Variants in CDC27 observed in about 807,000 individuals in gnomAD.
CDC27 encodes cell division cycle protein 27 homolog.
CDC27 carries 27 observed loss-of-function variants against 109.7 expected under a neutral mutation model. The ratio of observed to expected loss-of-function variants is 0.25; its 90% CI spans 0.18 to 0.34. The LOEUF (loss-of-function observed/expected upper bound fraction) is 0.34. Ranked by LOEUF, CDC27 falls within the 10% of genes least tolerant of loss-of-function variation. The pLI, the probability that CDC27 is intolerant of heterozygous loss-of-function variation, is 1.00. For synonymous variants in CDC27, 266 were observed against 333.9 expected (o/e 0.80, Z 2.22); for missense variants, 579 against 960.2 (o/e 0.60, Z 5.25).
chr17:47,189,052 G>A, intron 1 of CDC27, 94 bp downstream of exon 1: 2 of 1,524,964 alleles, frequency 1.3e-6, no homozygotes, highest in Non-Finnish European at 9.0e-7. Flanking sequence ...AGAAGCAGCC[G>A]GGCCTAGGCC....
chr17:47,129,372 C>G (rs774750632), intron 16 of CDC27, 21 bp downstream of exon 16: 1 of 1,581,398 alleles, frequency 6.3e-7, no homozygotes, highest in African/African-American at 1.3e-5. Flanking sequence ...ACACTGAAGA[C>G]CCTTAAGATA....
chr17:47,163,651 G>A (rs1236454725), intron 4 of CDC27, among the ~76,000 whole-genome samples: 1 of 152,188 alleles, frequency 6.6e-6, no homozygotes, highest in Non-Finnish European at 1.5e-5. Flanking sequence ...CTGAGGAACT[G>A]ATTTAACTGC....
chr17:47,163,147 T>C (rs977143768), intron 4 of CDC27, among the ~76,000 whole-genome samples: 4 of 151,974 alleles, frequency 2.6e-5, no homozygotes, highest in African/African-American at 9.7e-5. Context: ...TGGGAAGAAA[T>C]AGGATAATTT....
chr17:47,142,828 G>A lies in CDC27; in HGVS notation c.1171-392C>T, dbSNP rs554235842. Reference sequence around the variant, plus strand: ...CGCGTAACTGAGATTACAGGCATGAGCCACCACGCCCGGTTAATTTTTATT... The same window carrying A: ...CGCGTAACTGAGATTACAGGCATGAACCACCACGCCCGGTTAATTTTTATT... On this transcript the variant is annotated intron_variant, in intron 10 of 18. Coordinates refer to ENST00000066544, the MANE Select transcript of CDC27 (RefSeq NM_001256.6). Among the ~76,000 whole-genome samples the A allele has an allele frequency of 2.0e-5, 3 of 152,280 alleles. No homozygotes were observed. In the East Asian group the frequency reaches 5.8e-4, roughly 29 times the overall value.
At chr17:47,147,898 CAAAAAAAAAAAA>C (rs893703763) in intron 9 of CDC27, among the ~76,000 whole-genome samples, 10 of 45,628 alleles carry the variant, frequency 2.2e-4, no homozygotes, top group Non-Finnish European at 4.1e-4. Context: ...GACCCTGTCT[CAAAAAAAAAAAA>C]AAAAAAAAGG....
intron 16 of CDC27, among the ~76,000 whole-genome samples, chr17:47,125,628 C>T (rs920852450): frequency 6.6e-5 from 10 of 151,612 alleles, no homozygotes; most frequent in African/African-American, 2.4e-4. Context: ...ACTGCAACTC[C>T]CACCTCCCAG....
intron 1 of CDC27, among the ~76,000 whole-genome samples, chr17:47,187,656 A>G (rs1425837734): frequency 6.6e-6 from 1 of 152,064 alleles, no homozygotes; most frequent in Non-Finnish European, 1.5e-5. Flanking sequence ...ATAGTCTATC[A>G]ATGCAACTAG....
intron 8 of CDC27, among the ~76,000 whole-genome samples, chr17:47,152,156 G>A (rs11570504): frequency 2.8e-4 from 42 of 151,778 alleles, no homozygotes; most frequent in African/African-American, 9.9e-4. Flanking sequence ...TTCATCTTTC[G>A]CTTTTTGTTT....
At chr17:47,153,619 G>C (rs897101719) in intron 8 of CDC27, among the ~76,000 whole-genome samples, 1 of 152,162 alleles carries the variant, frequency 6.6e-6, no homozygotes, top group African/African-American at 2.4e-5. Context: ...TCACATATTA[G>C]TATGACTTGT....
At chr17:47,153,806 A>C (rs1055698803) in intron 8 of CDC27, among the ~76,000 whole-genome samples, 8 of 152,170 alleles carry the variant, frequency 5.3e-5, no homozygotes, top group Non-Finnish European at 1.0e-4. Flanking sequence ...GAGCCTCAGC[A>C]GGGCAGTGAC....
intron 1 of CDC27, 139 bp from the exon 2 acceptor site, chr17:47,181,776 T>C: frequency 2.0e-6 from 1 of 493,740 alleles, no homozygotes. Flanking sequence ...CAGAGCAAAC[T>C]CCAGAGTGTG....
chr17:47,157,389 GA>G lies in CDC27; in HGVS notation c.476-6del. 1.0e-5 allele frequency: 15 copies of G among 1,495,652 alleles called. No homozygotes were observed. Among genetic ancestry groups the G allele is most frequent in the Non-Finnish European group, 1.3e-5 (15 of 1,123,702 alleles). The allele number at this position is 1,495,652 out of a possible 1,614,324, so 92.6% of individuals were successfully genotyped here. ...GGTCAGGATCTGGCTTTTCACCTGT[GA>G]AGACAAAAAAAAAAAAAGTTTGTCT... is the stretch of plus-strand genomic sequence containing the variant. On this transcript the variant is annotated splice_region_variant and splice_polypyrimidine_tract_variant and intron_variant, in intron 5 of 18. Transcript: ENST00000066544.
chr17:47,159,930 C>G lies in CDC27; in HGVS notation c.378-1627G>C, dbSNP rs111851549. 3.1e-3 allele frequency: 1,184 copies of G among 385,318 alleles called. 6 individuals carry two copies. Among genetic ancestry groups the G allele is most frequent in the Non-Finnish European group, 4.1e-3 (820 of 199,298 alleles). 23.9% of individuals were successfully genotyped at this position (385,318 alleles called of 1,614,324 possible). On this transcript the variant is annotated intron_variant, in intron 4 of 18. Transcript: ENST00000066544. ...TCCTTGGCCTTGCCTCCACGAGCTC[C>G]GTGGCCTCGGTCCCGGCCCCATCCA...
chr17:47,122,737 G>A (rs1267141223), intron 17 of CDC27, 137 bp from the exon 18 acceptor site: 4 of 535,902 alleles, frequency 7.5e-6, no homozygotes, highest in South Asian at 6.1e-5. Context: ...GCAATGGCAC[G>A]ATCTTGGCTC....
chr17:47,169,226 A>C (rs2148959352), intron 4 of CDC27, among the ~76,000 whole-genome samples: 1 of 151,972 alleles, frequency 6.6e-6, no homozygotes, highest in Non-Finnish European at 1.5e-5. Context: ...CCTGGCCTCA[A>C]GTGATCCTCC....
rs1460127382 is a variant in CDC27 at position 47,118,562 on chromosome 17, C to T, written c.*2373G>A. ...TTTGCCATAAAAGTCATGGCAAAAACCACAATTACTTATGCACCAACCTAA... is the reference window on the plus strand; with the variant it reads ...TTTGCCATAAAAGTCATGGCAAAAATCACAATTACTTATGCACCAACCTAA... On this transcript the variant is annotated 3_prime_UTR_variant, in exon 19 of 19. Transcript: ENST00000066544. 2.0e-5 allele frequency: 3 copies of T among 152,304 alleles called. No homozygotes were observed. The highest frequency in any genetic ancestry group is 4.4e-5 in the Non-Finnish European group (3 of 67,978). 9.4% of individuals were successfully genotyped at this position (152,304 alleles called of 1,614,324 possible).
chr17:47,150,973 G>C (rs1322947201), intron 9 of CDC27, among the ~76,000 whole-genome samples: 2 of 151,890 alleles, frequency 1.3e-5, no homozygotes, highest in Non-Finnish European at 2.9e-5. Flanking sequence ...CGGAGGTTGT[G>C]GTGGGCCGAG....
At chr17:47,156,379 C>T (rs1204437965) in intron 7 of CDC27, among the ~76,000 whole-genome samples, 1 of 152,044 alleles carries the variant, frequency 6.6e-6, no homozygotes, top group Non-Finnish European at 1.5e-5. Flanking sequence ...ACCTCGTGAT[C>T]TGCCCACCTT....
chr17:47,121,947 T>C (rs1158824242), intron 18 of CDC27, among the ~76,000 whole-genome samples: 1 of 151,956 alleles, frequency 6.6e-6, no homozygotes, highest in African/African-American at 2.4e-5. Flanking sequence ...ACCATGTTGG[T>C]CAGCTGGTGT....
Sources: allele counts gnomAD v4.1 joint callset (sites outside exome capture counted in the v4.1 genomes callset), GRCh38; gene constraint gnomAD v4.1.1; transcripts MANE v1.5; gene names NCBI Gene and HGNC (gene_info 2026-07-23, HGNC 2026-07-21).